Variants in TNR observed in about 807,000 individuals in gnomAD.
TNR encodes the protein tenascin-R.
Under a neutral mutation model 150.4 loss-of-function variants are expected in TNR, and 45 were observed. That is an observed-to-expected ratio of 0.30 (90% CI 0.24 to 0.38). The LOEUF (loss-of-function observed/expected upper bound fraction) is 0.38. TNR is among the 10% of genes least tolerant of loss of function. TNR has a pLI of 1.00. For synonymous variants in TNR, 687 were observed against 678.4 expected (o/e 1.01, Z -0.20); for missense variants, 1,544 against 1,759.1 (o/e 0.88, Z 2.19).
intron 9 of TNR, among the ~76,000 whole-genome samples, chr1:175,370,434 T>C (rs1291586489): frequency 7.0e-6 from 1 of 143,416 alleles, no homozygotes; most frequent in Non-Finnish European, 1.5e-5. Flanking sequence ...TGGGTGCACC[T>C]GTTGACTTCT....
At chr1:175,587,775 T>A (rs925488904) in intron 1 of TNR, among the ~76,000 whole-genome samples, 1 of 152,218 alleles carries the variant, frequency 6.6e-6, no homozygotes, top group Non-Finnish European at 1.5e-5. Context: ...CAGGTGATTT[T>A]TAATGTGCAG....
At chr1:175,331,015 T>TTCTTTCTTTCTTTC (rs1557867190) in intron 20 of TNR, among the ~76,000 whole-genome samples, 104 of 57,962 alleles carry the variant, frequency 1.8e-3, no homozygotes, top group Middle Eastern at 6.4e-3. Flanking sequence ...CTTTCTTTCT[T>TTCTTTCTTTCTTTC]TCTTTCTTTC....
In TNR at chr1:175,667,505, C is replaced by A. The variant is rs564260900; in HGVS notation, c.-165+75721G>T. On this transcript the variant is annotated intron_variant, in intron 1 of 22. Coordinates refer to ENST00000367674, the MANE Select transcript of TNR (RefSeq NM_003285.3). ...TATGTGCTGGGAATTATGCCATATG[C>A]TGGGGACACAAGGGTGAATAAGGCC... Among the ~76,000 whole-genome samples the A allele has an allele frequency of 4.9e-4, 74 of 152,338 alleles. 1 individual carries two copies. The South Asian group carries it at 7.2e-3, about 15-fold the overall frequency.
At chr1:175,607,083 G>T (rs1363670176) in intron 1 of TNR, among the ~76,000 whole-genome samples, 2 of 152,216 alleles carry the variant, frequency 1.3e-5, no homozygotes, top group Non-Finnish European at 1.5e-5. Flanking sequence ...AATCCAGAAA[G>T]TTGGTAGAGT....
chr1:175,389,558 G>A (rs1377006608), intron 7 of TNR, among the ~76,000 whole-genome samples: 2 of 152,156 alleles, frequency 1.3e-5, no homozygotes, highest in East Asian at 3.9e-4. Flanking sequence ...GTTTCTACAT[G>A]GCTGTCCATT....
intron 15 of TNR, 149 bp downstream of exon 15, chr1:175,359,463 T>C: frequency 7.9e-7 from 1 of 1,273,618 alleles, no homozygotes; most frequent in South Asian, 1.3e-5. Flanking sequence ...TGGGGATATC[T>C]TGAGGGCTTC....
At chr1:175,370,298 T>A (rs1652037137) in intron 9 of TNR, among the ~76,000 whole-genome samples, 1 of 151,622 alleles carries the variant, frequency 6.6e-6, no homozygotes, top group South Asian at 2.1e-4. Context: ...AGCTAGTATT[T>A]TATTACTTTG....
At chr1:175,446,569 A>G (rs934467067) in intron 2 of TNR, among the ~76,000 whole-genome samples, 1 of 152,228 alleles carries the variant, frequency 6.6e-6, no homozygotes, top group African/African-American at 2.4e-5. Context: ...ACAGATATGT[A>G]CAAACACATA....
At position 175,605,727 on chromosome 1, in the gene TNR, AT is replaced by A. The variant is rs376412519; in HGVS notation, c.-164-77359del. 7.4e-3 allele frequency among the ~76,000 whole-genome samples: 1,127 copies of A among 151,384 alleles called. 14 individuals are homozygous for A. The highest frequency in any genetic ancestry group is 0.026 in the African/African-American group (1,076 of 41,242). The stretch of plus-strand genomic sequence containing the variant: ...TTTTTAAAGATTATCTGGCCAATTG[AT>A]TTTTTTTTCCTTATGCTGATAAATC... On this transcript the variant is annotated intron_variant, in intron 1 of 22. Coordinates refer to ENST00000367674, the MANE Select transcript of TNR (RefSeq NM_003285.3).
chr1:175,547,542 CA>C (rs2102195639), intron 1 of TNR, among the ~76,000 whole-genome samples: 2 of 141,578 alleles, frequency 1.4e-5, no homozygotes, highest in African/African-American at 5.4e-5. Context: ...CTCATTTAGA[CA>C]AAGGAGAAAG....
chr1:175,491,892 G>A (rs859396), intron 2 of TNR, among the ~76,000 whole-genome samples: 20,477 of 151,422 alleles, frequency 0.14, 2,801 homozygotes, highest in African/African-American at 0.36. Context: ...CTCGTGATCC[G>A]CCCGCCTTGG....
At chr1:175,597,721 G>C (rs768865577) in intron 1 of TNR, among the ~76,000 whole-genome samples, 1 of 152,160 alleles carries the variant, frequency 6.6e-6, no homozygotes, top group Non-Finnish European at 1.5e-5. Flanking sequence ...GGGGGCCCTA[G>C]TTAGCTGGAC....
chr1:175,318,665 G>A lies in TNR; in HGVS notation c.*4692C>T, dbSNP rs184752700. On this transcript the variant is annotated 3_prime_UTR_variant, in exon 23 of 23. Transcript: ENST00000367674. The stretch of plus-strand genomic sequence containing the variant: ...CATTCAGCTAAACATCTTCAGGAAT[G>A]TGGTCAAAGAGAGGCTACAGGAACA... 2.0e-4 allele frequency: 30 copies of A among 152,396 alleles called. No individual in the cohort carries two copies. In the East Asian group the frequency reaches 5.8e-3, roughly 29 times the overall value. 9.4% of individuals were successfully genotyped at this position (152,396 alleles called of 1,614,324 possible). A position where few individuals can be genotyped will look rare whatever the true frequency, so the allele number is the denominator to read the frequency against.
chr1:175,595,067 T>C (rs1324119820), intron 1 of TNR, among the ~76,000 whole-genome samples: 1 of 151,424 alleles, frequency 6.6e-6, no homozygotes, highest in African/African-American at 2.4e-5. Flanking sequence ...CTCAGGAGGC[T>C]GAGGCAGGAG....
chr1:175,342,298 G>T (rs576349592), intron 18 of TNR, among the ~76,000 whole-genome samples: 1 of 152,170 alleles, frequency 6.6e-6, no homozygotes, highest in African/African-American at 2.4e-5. Flanking sequence ...TAGGGCAAAG[G>T]GTGACAACTG....
chr1:175,704,888 C>T (rs1259088855), intron 1 of TNR, among the ~76,000 whole-genome samples: 4 of 152,108 alleles, frequency 2.6e-5, no homozygotes, highest in South Asian at 2.1e-4. Context: ...CCTTCTTTTT[C>T]GGGATAATTT....
chr1:175,535,099 A>G (rs1191986792), intron 1 of TNR, among the ~76,000 whole-genome samples: 1 of 152,166 alleles, frequency 6.6e-6, no homozygotes, highest in African/African-American at 2.4e-5. Context: ...TAGCAAAGTG[A>G]GAATGGGCTA....
chr1:175,687,517 C>T (rs1462016182), intron 1 of TNR, among the ~76,000 whole-genome samples: 1 of 152,064 alleles, frequency 6.6e-6, no homozygotes, highest in Non-Finnish European at 1.5e-5. Flanking sequence ...CATGTTCTGT[C>T]CCTTCCTTTC....
At chr1:175,489,681 T>G (rs188551377) in intron 2 of TNR, among the ~76,000 whole-genome samples, 2 of 152,338 alleles carry the variant, frequency 1.3e-5, no homozygotes, top group Admixed American at 6.5e-5. Context: ...TGAATGCCCT[T>G]GTGTTTGACA....
Sources: gnomAD v4.1 joint callset for allele counts (sites outside exome capture counted in the v4.1 genomes callset) on GRCh38, gnomAD v4.1.1 for gene constraint, MANE v1.5 for transcripts, NCBI Gene and HGNC (gene_info 2026-07-23, HGNC 2026-07-21) for gene names.